The following HYCC2 variants were observed in gnomAD, a reference collection of about 807,000 sequenced individuals.
HYCC2 encodes the protein hyccin PI4KA lipid kinase complex subunit 2.
chr2:200,988,392 T>G, the HYCC2 span: 1 of 1,613,026 alleles, frequency 6.2e-7, no homozygotes, highest in Non-Finnish European at 8.5e-7. Flanking sequence ...GAGCATCAAA[T>G]GGTAATGAGT....
At chr2:200,990,433 G>A in the HYCC2 span, among the ~76,000 whole-genome samples, 2 of 151,772 alleles carry the variant, frequency 1.3e-5, no homozygotes, top group South Asian at 4.2e-4. Flanking sequence ...ACAAGGTCTT[G>A]CTCTGTCACC....
the HYCC2 span, among the ~76,000 whole-genome samples, chr2:201,033,067 GA>G: frequency 6.7e-6 from 1 of 149,842 alleles, no homozygotes; most frequent in Non-Finnish European, 1.5e-5. Flanking sequence ...AAAAGGGCAA[GA>G]AAAAACTACA....
chr2:201,017,247 TATATCTGTATAATA>T, the HYCC2 span: 2 of 1,009,878 alleles, frequency 2.0e-6, no homozygotes, highest in Non-Finnish European at 2.8e-6. Flanking sequence ...TTAAGGCACC[TATATCTGTATAATA>T]TTTTTAAAAG....
chr2:201,060,487 C>A, the HYCC2 span, among the ~76,000 whole-genome samples: 2 of 152,022 alleles, frequency 1.3e-5, no homozygotes, highest in African/African-American at 2.4e-5. Context: ...TTTCTTCTGC[C>A]TAGAACATAA....
chr2:201,029,643 G>A, the HYCC2 span, among the ~76,000 whole-genome samples: 4 of 152,120 alleles, frequency 2.6e-5, no homozygotes, highest in Admixed American at 2.6e-4. Flanking sequence ...CAAGGATGAA[G>A]CTGGAAACAA....
the HYCC2 span, among the ~76,000 whole-genome samples, chr2:200,995,628 A>AGG: frequency 6.6e-6 from 1 of 152,228 alleles, no homozygotes; most frequent in Non-Finnish European, 1.5e-5. Context: ...ACACAGCTAC[A>AGG]AAAAACTGAA....
chr2:201,049,643 G>A, the HYCC2 span, among the ~76,000 whole-genome samples: 11 of 151,670 alleles, frequency 7.3e-5, no homozygotes, highest in Admixed American at 1.3e-4. Context: ...GTAAGCCACC[G>A]CACCTGGCAA....
chr2:200,990,986 G>A, the HYCC2 span, among the ~76,000 whole-genome samples: 3 of 152,204 alleles, frequency 2.0e-5, no homozygotes, highest in Non-Finnish European at 2.9e-5. Context: ...GGAATTACAG[G>A]CATGAGCCAC....
the HYCC2 span, among the ~76,000 whole-genome samples, chr2:201,029,898 G>A: frequency 6.6e-6 from 1 of 152,116 alleles, no homozygotes; most frequent in African/African-American, 2.4e-5. Flanking sequence ...CCTGCACGTT[G>A]TGCACATGTA....
At chr2:201,047,367 A>G in the HYCC2 span, among the ~76,000 whole-genome samples, 3 of 151,098 alleles carry the variant, frequency 2.0e-5, no homozygotes, top group Non-Finnish European at 4.4e-5. Context: ...AAAGTAGTGA[A>G]AGGAGGAGAG....
At chr2:201,013,537 C>A in the HYCC2 span, among the ~76,000 whole-genome samples, 1 of 149,822 alleles carries the variant, frequency 6.7e-6, no homozygotes, top group Admixed American at 6.6e-5. Context: ...CAAACACAAA[C>A]CCCAAAGAAC....
At chr2:201,056,615 G>A in the HYCC2 span, among the ~76,000 whole-genome samples, 437 of 151,244 alleles carry the variant, frequency 2.9e-3, 2 homozygotes, top group African/African-American at 0.01. Flanking sequence ...CGGAGGTTGC[G>A]GTGAGCAAAG....
chr2:201,040,432 GA>G, the HYCC2 span, among the ~76,000 whole-genome samples: 2 of 150,014 alleles, frequency 1.3e-5, no homozygotes, highest in African/African-American at 2.5e-5. Context: ...AACAAATTGA[GA>G]ATAGCATTTT....
chr2:200,990,954 C>T, the HYCC2 span, among the ~76,000 whole-genome samples: 1 of 151,250 alleles, frequency 6.6e-6, no homozygotes, highest in Non-Finnish European at 1.5e-5. Flanking sequence ...GTGATCCACC[C>T]GCCTCAGCCT....
chr2:201,006,450 A>G, the HYCC2 span, among the ~76,000 whole-genome samples: 4 of 151,902 alleles, frequency 2.6e-5, no homozygotes, highest in Non-Finnish European at 5.9e-5. Flanking sequence ...ATTTTTTTAA[A>G]TGAATAAATG....
At chr2:201,060,164 C>T in the HYCC2 span, among the ~76,000 whole-genome samples, 4 of 151,726 alleles carry the variant, frequency 2.6e-5, no homozygotes, top group African/African-American at 7.2e-5. Flanking sequence ...ATAGTTAGCA[C>T]TTAATTCATG....
the HYCC2 span, among the ~76,000 whole-genome samples, chr2:201,039,889 A>C: frequency 1.3e-5 from 2 of 152,224 alleles, no homozygotes; most frequent in African/African-American, 2.4e-5. Flanking sequence ...AAAGTGAGGA[A>C]ATAGGCTGGG....
chr2:200,985,831 AAC>A, the HYCC2 span, among the ~76,000 whole-genome samples: 1 of 152,286 alleles, frequency 6.6e-6, no homozygotes, highest in East Asian at 1.9e-4. Context: ...ATTAAAAAGG[AAC>A]TACTATTTTG....
At chr2:201,016,602 A>ATT in the HYCC2 span, among the ~76,000 whole-genome samples, 326 of 140,104 alleles carry the variant, frequency 2.3e-3, 1 homozygote, top group African/African-American at 8.2e-3. Context: ...ATTATTTTTA[A>ATT]TTTTTTTTTT....
Sources: gnomAD v4.1 joint callset for allele counts (sites outside exome capture counted in the v4.1 genomes callset) on GRCh38, gnomAD v4.1.1 for gene constraint, MANE v1.5 for transcripts, NCBI Gene and HGNC (gene_info 2026-07-23, HGNC 2026-07-21) for gene names.